Variants in RBPMS2 observed in about 807,000 individuals in gnomAD.
The protein encoded by RBPMS2 is RNA binding protein, mRNA processing factor 2.
RBPMS2 carries 14 observed loss-of-function variants against 25.7 expected under a neutral mutation model. That is an observed-to-expected ratio of 0.55 (90% confidence interval 0.36 to 0.85). The LOEUF (loss-of-function observed/expected upper bound fraction) is 0.85. Ranked by LOEUF, RBPMS2 falls within the 40% of genes least tolerant of loss-of-function variation. RBPMS2 has a pLI of 0.01. For missense variants in RBPMS2, 252 were observed against 283.4 expected (o/e 0.89, Z 0.80); for synonymous variants, 127 against 115.6 (o/e 1.10, Z -0.63).
At position 64,775,397 on chromosome 15, in the gene RBPMS2, G is replaced by A. The variant is rs2141084456; in HGVS notation, c.-78C>T. ...CCCCGCGGGAAGTGGGAAGGGGCGC[G>A]GGGAGCGGTGCGCTCGCGGGTGCGG... On this transcript the variant is annotated 5_prime_UTR_variant, in exon 1 of 8. Coordinates refer to ENST00000300069, the MANE Select transcript of RBPMS2 (RefSeq NM_194272.3). 2.5e-6 allele frequency: 2 copies of A among 787,080 alleles called. No individual in the cohort carries two copies. The highest frequency in any genetic ancestry group is 3.4e-6 in the Non-Finnish European group (2 of 588,242). 48.8% of individuals were successfully genotyped at this position (787,080 alleles called of 1,614,324 possible). A position where few individuals can be genotyped will look rare whatever the true frequency, so the allele number is the denominator to read the frequency against.
At chr15:64,759,260 T>G (rs1377633940) in intron 1 of RBPMS2, among the ~76,000 whole-genome samples, 1 of 152,164 alleles carries the variant, frequency 6.6e-6, no homozygotes, top group Admixed American at 6.5e-5. Context: ...GCCCCTGGAA[T>G]GGGGAATCCC....
At chr15:64,754,690 C>G (rs1217601033) in intron 1 of RBPMS2, among the ~76,000 whole-genome samples, 2 of 149,562 alleles carry the variant, frequency 1.3e-5, no homozygotes, top group Non-Finnish European at 1.5e-5. Context: ...GCAACAAGAG[C>G]AAAACTCCGT....
At chr15:64,765,289 C>T (rs2083835680) in intron 1 of RBPMS2, among the ~76,000 whole-genome samples, 2 of 147,688 alleles carry the variant, frequency 1.4e-5, no homozygotes, top group Non-Finnish European at 1.5e-5. Flanking sequence ...TTGGTGTGCA[C>T]CTGTAGTCCC....
chr15:64,762,204 C>T (rs757734417), intron 1 of RBPMS2, among the ~76,000 whole-genome samples: 7 of 151,920 alleles, frequency 4.6e-5, no homozygotes, highest in African/African-American at 1.2e-4. Context: ...GTGATGGTGG[C>T]GATGGCAGGG....
intron 1 of RBPMS2, among the ~76,000 whole-genome samples, chr15:64,763,274 A>G: frequency 6.6e-6 from 1 of 150,694 alleles, no homozygotes; most frequent in African/African-American, 2.4e-5. Flanking sequence ...CAAGCAGCAC[A>G]CAGCCAGACA....
At chr15:64,755,255 T>A (rs2083722941) in intron 1 of RBPMS2, among the ~76,000 whole-genome samples, 1 of 151,710 alleles carries the variant, frequency 6.6e-6, no homozygotes, top group Non-Finnish European at 1.5e-5. Flanking sequence ...TTCTATAGAG[T>A]CCAAAAGGCT....
chr15:64,772,788 T>C (rs1365273606), intron 1 of RBPMS2, among the ~76,000 whole-genome samples: 1 of 152,132 alleles, frequency 6.6e-6, no homozygotes, highest in Non-Finnish European at 1.5e-5. Context: ...TATCTATCAT[T>C]GCATTTCACC....
At chr15:64,741,432 G>A (rs1409106758) in intron 6 of RBPMS2, among the ~76,000 whole-genome samples, 190 bp from the exon 7 acceptor site, 2 of 152,208 alleles carry the variant, frequency 1.3e-5, no homozygotes, top group East Asian at 3.8e-4. Context: ...ACTGCCTGAT[G>A]TGCCTCCTCT....
At chr15:64,747,707 T>C (rs778763168) in intron 6 of RBPMS2, among the ~76,000 whole-genome samples, 4 of 152,144 alleles carry the variant, frequency 2.6e-5, no homozygotes, top group Non-Finnish European at 1.5e-5. Context: ...AGCGCCTGCA[T>C]GGCCAGGGGA....
chr15:64,762,118 C>T (rs1048605311), intron 1 of RBPMS2, among the ~76,000 whole-genome samples: 3 of 152,154 alleles, frequency 2.0e-5, no homozygotes, highest in Non-Finnish European at 4.4e-5. Context: ...AAGTGACTCA[C>T]GCCTGGCCTG....
chr15:64,747,585 T>C (rs984853279), intron 6 of RBPMS2, among the ~76,000 whole-genome samples: 2 of 152,078 alleles, frequency 1.3e-5, no homozygotes, highest in Non-Finnish European at 2.9e-5. Flanking sequence ...CTGCAACTTG[T>C]CACTGCCACT....
At chr15:64,753,012 C>T (rs1041408983) in intron 1 of RBPMS2, among the ~76,000 whole-genome samples, 30 of 152,178 alleles carry the variant, frequency 2.0e-4, no homozygotes, top group African/African-American at 7.2e-4. Flanking sequence ...TATTTAAACG[C>T]TGCTGGCACC....
At chr15:64,744,756 T>C (rs977055427) in intron 6 of RBPMS2, among the ~76,000 whole-genome samples, 7 of 150,854 alleles carry the variant, frequency 4.6e-5, no homozygotes, top group African/African-American at 9.7e-5. Context: ...CTTACTATTA[T>C]TTATTTTAAG....
chr15:64,765,027 C>A (rs1330404807), intron 1 of RBPMS2, among the ~76,000 whole-genome samples: 1 of 150,978 alleles, frequency 6.6e-6, no homozygotes. Context: ...GAGTTCGGGA[C>A]CAGCCTGGCC....
rs2083547323 is a variant in RBPMS2, at chr15:64,740,276, T to G, written c.*732A>C. 1 of 152,168 alleles carries G rather than the reference T, an allele frequency of 6.6e-6. No individual in the cohort carries two copies. The highest frequency in any genetic ancestry group is 1.5e-5 in the Non-Finnish European group (1 of 68,028). 9.4% of individuals were successfully genotyped at this position (152,168 alleles called of 1,614,324 possible). ...AGGGTACAAAAATACTTCTCACGTT[T>G]TGGTTGGTTTCGAGGTTTGGAAAGA... On this transcript the variant is annotated 3_prime_UTR_variant, in exon 8 of 8. Coordinates refer to ENST00000300069, the MANE Select transcript of RBPMS2 (RefSeq NM_194272.3).
chr15:64,750,866 C>G (rs1224793673), intron 2 of RBPMS2, among the ~76,000 whole-genome samples: 3 of 151,398 alleles, frequency 2.0e-5, no homozygotes, highest in African/African-American at 7.3e-5. Flanking sequence ...GGTGAAACCC[C>G]ATCTCTACTA....
At chr15:64,763,415 G>A (rs948324091) in intron 1 of RBPMS2, among the ~76,000 whole-genome samples, 1 of 152,250 alleles carries the variant, frequency 6.6e-6, no homozygotes, top group Non-Finnish European at 1.5e-5. Context: ...CCATCTAGAG[G>A]ACACTTGGCC....
At chr15:64,767,519 G>T (rs952196802) in intron 1 of RBPMS2, among the ~76,000 whole-genome samples, 1 of 152,194 alleles carries the variant, frequency 6.6e-6, no homozygotes, top group African/African-American at 2.4e-5. Context: ...CAGCTCGCAG[G>T]ATTGTCCTGA....
Position 64,740,227 on chromosome 15 carries a change from T to C in RBPMS2, c.*781A>G, listed in dbSNP as rs2083546966. 6.6e-6 allele frequency: 1 copy of C among 152,344 alleles called. No homozygotes were observed. 9.4% of individuals were successfully genotyped at this position (152,344 alleles called of 1,614,324 possible). A position where few individuals can be genotyped will look rare whatever the true frequency, so the allele number is the denominator to read the frequency against. ...TGGTACGCACATGAAAAATCCTTTA[T>C]GATGCATAAATATTTTGTTACACAG... On this transcript the variant is annotated 3_prime_UTR_variant, in exon 8 of 8. Coordinates refer to ENST00000300069, the MANE Select transcript of RBPMS2 (RefSeq NM_194272.3).
Sources: gnomAD v4.1 joint callset for allele counts (sites outside exome capture counted in the v4.1 genomes callset) on GRCh38, gnomAD v4.1.1 for gene constraint, MANE v1.5 for transcripts, NCBI Gene and HGNC (gene_info 2026-07-23, HGNC 2026-07-21) for gene names.